Variants in TMPRSS11B observed in about 807,000 individuals in gnomAD.
TMPRSS11B encodes the protein transmembrane protease serine 11B.
TMPRSS11B carries 53 observed loss-of-function variants against 44.7 expected under a neutral mutation model. The ratio of observed to expected loss-of-function variants is 1.19; its 90% CI spans 0.95 to 1.49. TMPRSS11B has a LOEUF of 1.49. Ranked by LOEUF, TMPRSS11B falls within the 40% of genes most tolerant of loss-of-function variation. TMPRSS11B has a pLI of 0.00. For missense variants in TMPRSS11B, 526 were observed against 494.8 expected (o/e 1.06, Z -0.60); for synonymous variants, 140 against 159.2 (o/e 0.88, Z 0.91).
At chr4:68,238,542 G>A (rs1044437116) in intron 2 of TMPRSS11B, among the ~76,000 whole-genome samples, 12 of 147,966 alleles carry the variant, frequency 8.1e-5, no homozygotes, top group Admixed American at 4.1e-4. Flanking sequence ...AGCCAACATG[G>A]TGAAACCCCA....
chr4:68,234,688 T>A, intron 4 of TMPRSS11B, 65 bp from the exon 5 acceptor site: 1 of 1,497,382 alleles, frequency 6.7e-7, no homozygotes, highest in East Asian at 2.3e-5. Context: ...GTGAACACAT[T>A]AAATTTCACA....
At chr4:68,236,992 G>T (rs189423142) in intron 2 of TMPRSS11B, among the ~76,000 whole-genome samples, 2 of 151,306 alleles carry the variant, frequency 1.3e-5, no homozygotes, top group African/African-American at 4.9e-5. Flanking sequence ...AGAACATGCA[G>T]ATTTGTCACA....
At chr4:68,238,539 A>C (rs948722458) in intron 2 of TMPRSS11B, among the ~76,000 whole-genome samples, 4 of 149,360 alleles carry the variant, frequency 2.7e-5, no homozygotes, top group African/African-American at 7.3e-5. Flanking sequence ...CCTAGCCAAC[A>C]TGGTGAAACC....
chr4:68,245,485 A>G, intron 1 of TMPRSS11B, 66 bp downstream of exon 1: 5 of 1,547,222 alleles, frequency 3.2e-6, no homozygotes, highest in Non-Finnish European at 2.7e-6. Flanking sequence ...ACAAAAAACT[A>G]GAACATACTT....
intron 6 of TMPRSS11B, 80 bp from the exon 7 acceptor site, chr4:68,231,460 G>T: frequency 7.7e-7 from 1 of 1,298,738 alleles, no homozygotes; most frequent in Non-Finnish European, 1.1e-6. Flanking sequence ...AAAATTACTT[G>T]AAACCTTTCA....
intron 2 of TMPRSS11B, among the ~76,000 whole-genome samples, chr4:68,237,078 T>C (rs891287514): frequency 6.6e-6 from 1 of 152,084 alleles, no homozygotes; most frequent in Non-Finnish European, 1.5e-5. Flanking sequence ...CCTAATGCTA[T>C]CCCTCCACTA....
intron 1 of TMPRSS11B, among the ~76,000 whole-genome samples, chr4:68,242,317 A>G (rs1220334896): frequency 2.7e-5 from 2 of 72,956 alleles, no homozygotes; most frequent in Non-Finnish European, 4.7e-5. Flanking sequence ...ATATAATATT[A>G]TATATATAAT....
chr4:68,244,304 C>A (rs1045815274), intron 1 of TMPRSS11B, among the ~76,000 whole-genome samples: 6 of 152,178 alleles, frequency 3.9e-5, no homozygotes, highest in Non-Finnish European at 8.8e-5. Flanking sequence ...AATTGCCTCA[C>A]TTTTAGAATG....
intron 2 of TMPRSS11B, 71 bp downstream of exon 2, chr4:68,241,618 T>C: frequency 1.1e-6 from 1 of 917,380 alleles, no homozygotes. Context: ...AATGTTCATG[T>C]TGTTTTTTTT....
intron 1 of TMPRSS11B, 77 bp from the exon 2 acceptor site, chr4:68,241,881 A>G (rs902304258): frequency 1.2e-5 from 10 of 837,494 alleles, no homozygotes; most frequent in African/African-American, 1.0e-4. Context: ...AACTCATAGT[A>G]CATGAATTGT....
intron 2 of TMPRSS11B, among the ~76,000 whole-genome samples, chr4:68,240,200 G>T (rs1423612243): frequency 2.0e-5 from 3 of 152,110 alleles, no homozygotes; most frequent in African/African-American, 7.2e-5. Flanking sequence ...AGAGATTACA[G>T]TAGCTGTTAT....
chr4:68,234,348 T>A (rs889276366), intron 5 of TMPRSS11B, 115 bp downstream of exon 5: 28 of 1,012,982 alleles, frequency 2.8e-5, no homozygotes, highest in Non-Finnish European at 3.8e-5. Context: ...CAGAGTTAGG[T>A]ACGCATATTT....
Position 68,234,619 on chromosome 4 carries a change from T to C in TMPRSS11B, c.313A>G (p.Asn105Asp), listed in dbSNP as rs1356018463. 6.2e-7 allele frequency: 1 copy of C among 1,613,722 alleles called. No homozygotes were observed. Among genetic ancestry groups the C allele is most frequent in the East Asian group, 2.2e-5 (1 of 44,816 alleles). The change falls in exon 5 of 10, where the codon AAT (asparagine) becomes GAT (aspartate). Residue 105 changes from asparagine to aspartate, a missense_variant. Coordinates refer to ENST00000332644, the MANE Select transcript of TMPRSS11B (RefSeq NM_182502.3). Reference sequence around the variant, plus strand: ...AACTGCACATTTGAACCATTGGCATTAGGCCTAGAAACAACAGAAATTTTC... The same window carrying C: ...AACTGCACATTTGAACCATTGGCATCAGGCCTAGAAACAACAGAAATTTTC... Reference protein sequence around the residue: ...VKSEVIKLLPNANGSNVQLQL... With the variant: ...VKSEVIKLLPDANGSNVQLQL...
rs1231379327 is a variant in TMPRSS11B, at chr4:68,242,274, AT to A, written c.9-471del. ...TATATTATAATATATATAATATAAT[AT>A]TATATATATTATATTATACATAATA... On this transcript the variant is annotated intron_variant, in intron 1 of 9. Coordinates refer to ENST00000332644, the MANE Select transcript of TMPRSS11B (RefSeq NM_182502.3). 1.4e-3 allele frequency among the ~76,000 whole-genome samples: 102 copies of A among 75,334 alleles called. 2 individuals are homozygous for A. Among genetic ancestry groups the A allele is most frequent in the African/African-American group, 6.1e-3 (96 of 15,652 alleles). 49.4% of individuals were successfully genotyped at this position (75,334 alleles called of 152,430 possible). A position where few individuals can be genotyped will look rare whatever the true frequency, so the allele number is the denominator to read the frequency against.
chr4:68,240,251 G>T (rs973779023), intron 2 of TMPRSS11B, among the ~76,000 whole-genome samples: 2 of 152,044 alleles, frequency 1.3e-5, no homozygotes, highest in Non-Finnish European at 2.9e-5. Context: ...TATTATATTC[G>T]TTCCTAAGCC....
Position 68,236,082 on chromosome 4 carries a change from A to C in TMPRSS11B, c.241-13T>G. On this transcript the variant is annotated splice_polypyrimidine_tract_variant and intron_variant, in intron 3 of 9. Coordinates refer to ENST00000332644, the MANE Select transcript of TMPRSS11B (RefSeq NM_182502.3). ...ATGCATTTAACATCTGACAAGAGAA[A>C]AAAAACAGTCATCATGTATGTTTCA... 1 of 1,585,560 alleles carries C rather than the reference A, an allele frequency of 6.3e-7. No individual in the cohort carries two copies. Among genetic ancestry groups the C allele is most frequent in the Admixed American group, 1.8e-5 (1 of 56,800 alleles).
At chr4:68,245,425 TTC>T in intron 1 of TMPRSS11B, 124 bp downstream of exon 1, 13 of 1,042,498 alleles carry the variant, frequency 1.2e-5, no homozygotes, top group Non-Finnish European at 1.9e-5. Context: ...AATAGAGTGT[TTC>T]TTAACAGTGT....
chr4:68,243,498 A>G (rs577151330), intron 1 of TMPRSS11B, among the ~76,000 whole-genome samples: 6 of 152,130 alleles, frequency 3.9e-5, no homozygotes, highest in Admixed American at 6.6e-5. Flanking sequence ...AACCAACATT[A>G]TTCATCAAAG....
Position 68,242,311 on chromosome 4 carries a change from A to AATAT in TMPRSS11B, c.9-511_9-508dup. Among the ~76,000 whole-genome samples the AATAT allele has an allele frequency of 2.6e-3, 19 of 7,410 alleles. 1 individual carries two copies. Among genetic ancestry groups the AATAT allele is most frequent in the African/African-American group, 5.8e-3 (19 of 3,304 alleles). The allele number at this position is 7,410 out of a possible 152,430, so 4.9% of individuals were successfully genotyped here. On this transcript the variant is annotated intron_variant, in intron 1 of 9. Coordinates refer to ENST00000332644, the MANE Select transcript of TMPRSS11B (RefSeq NM_182502.3). Reference sequence around the variant, plus strand: ...ATATTATACATAATATAATATATATAATATTATATATATAATATTATATTA... The same window carrying AATAT: ...ATATTATACATAATATAATATATATAATATATATTATATATATAATATTATATTA...
Sources: gnomAD v4.1 joint callset for allele counts (sites outside exome capture counted in the v4.1 genomes callset) on GRCh38, gnomAD v4.1.1 for gene constraint, MANE v1.5 for transcripts, NCBI Gene and HGNC (gene_info 2026-07-23, HGNC 2026-07-21) for gene names.